Variants in KIF1A observed in about 807,000 individuals in gnomAD.
KIF1A encodes kinesin-like protein KIF1A.
KIF1A carries 46 observed loss-of-function variants against 227.3 expected under a neutral mutation model. The ratio of observed to expected loss-of-function variants is 0.20; its 90% CI spans 0.16 to 0.26. The LOEUF (loss-of-function observed/expected upper bound fraction) is 0.26. KIF1A is among the 10% of genes least tolerant of loss of function. The pLI is 1.00. For missense variants in KIF1A, 1,683 were observed against 2,485.9 expected (o/e 0.68, Z 6.87); for synonymous variants, 1,022 against 1,012.8 (o/e 1.01, Z -0.17).
intron 11 of KIF1A, 137 bp from the exon 12 acceptor site, chr2:240,774,398 C>CA (rs1477816262): frequency 9.5e-6 from 4 of 421,056 alleles, no homozygotes; most frequent in Non-Finnish European, 1.7e-5. Flanking sequence ...CTTACCCCCC[C>CA]CCCCACCCCC....
In KIF1A at chr2:240,788,895, C is replaced by T. The variant is rs1430548882; in HGVS notation, c.183+341G>A. 1.3e-5 allele frequency among the ~76,000 whole-genome samples: 2 copies of T among 152,068 alleles called. No homozygotes were observed. The highest frequency in any genetic ancestry group is 2.9e-5 in the Non-Finnish European group (2 of 68,002). On this transcript the variant is annotated intron_variant, in intron 3 of 48. Transcript: ENST00000498729. The surrounding 1 kb of genome is among the most constrained non-coding windows in gnomAD (Gnocchi z 6.6). ...GGGAAGGAGAAGAGTCCAGGGGTCT[C>T]CTGGGCTCCCAGCATGCAGGGCACA...
intron 14 of KIF1A, 80 bp from the exon 15 acceptor site, chr2:240,771,184 G>T (rs1575600904): frequency 6.4e-7 from 1 of 1,572,148 alleles, no homozygotes; most frequent in East Asian, 2.2e-5. Context: ...ACACGTCTAT[G>T]GGGAGGAGGG....
At chr2:240,754,033 C>A (rs1035857900) in intron 27 of KIF1A, among the ~76,000 whole-genome samples, 1 of 152,146 alleles carries the variant, frequency 6.6e-6, no homozygotes, top group South Asian at 2.1e-4. Flanking sequence ...TTAAGCAGAT[C>A]GATTGTTTCA....
At chr2:240,776,012 G>A in intron 10 of KIF1A, 86 bp from the exon 11 acceptor site, 1 of 913,036 alleles carries the variant, frequency 1.1e-6, no homozygotes, top group Non-Finnish European at 1.8e-6. Flanking sequence ...CTGCCAAGTG[G>A]GTCCTCAAAG....
Position 240,778,926 on chromosome 2 carries a change from C to T in KIF1A, c.883-3000G>A, listed in dbSNP as rs1481563097. Among the ~76,000 whole-genome samples, 1 of 152,106 alleles carries T rather than the reference C, an allele frequency of 6.6e-6. No individual in the cohort carries two copies. ...TTTCCACACACTTCCTCAGGCCATT[C>T]GCCCGTGTGCACCCCGTTCCTACAC... On this transcript the variant is annotated intron_variant, in intron 10 of 48. Transcript: ENST00000498729. The surrounding 1 kb of genome is among the most constrained non-coding windows in gnomAD (Gnocchi z 7.2).
rs960116587 is a variant in KIF1A, at chr2:240,783,913, C to G, written c.721-97G>C. 6.3e-6 allele frequency: 6 copies of G among 947,578 alleles called. No individual in the cohort carries two copies. The African/African-American group carries it at 8.1e-5, about 13-fold the overall frequency. The allele number at this position is 947,578 out of a possible 1,614,324, so 58.7% of individuals were successfully genotyped here. A position where few individuals can be genotyped will look rare whatever the true frequency, so the allele number is the denominator to read the frequency against. Reference sequence around the variant, plus strand: ...AGGTCTCCACAGCTGTTGAAGGAGCCCTGGCCAAGCGTCCCCTCTGCAAGG... The same window carrying G: ...AGGTCTCCACAGCTGTTGAAGGAGCGCTGGCCAAGCGTCCCCTCTGCAAGG... On this transcript the variant is annotated intron_variant, in intron 7 of 48. Coordinates refer to ENST00000498729, the MANE Select transcript of KIF1A (RefSeq NM_001244008.2).
chr2:240,817,904 G>C (rs1248780836), intron 1 of KIF1A, among the ~76,000 whole-genome samples: 1 of 152,240 alleles, frequency 6.6e-6, no homozygotes, highest in African/African-American at 2.4e-5. Flanking sequence ...AGGCTGGGCG[G>C]CCGGGCAGTG....
At chr2:240,760,946 C>T (rs1450466063) in intron 24 of KIF1A, 103 bp from the exon 25 acceptor site, 1 of 1,175,470 alleles carries the variant, frequency 8.5e-7, no homozygotes, top group East Asian at 2.6e-5. Context: ...AGCTGCCTGC[C>T]CCACAATGGT....
chr2:240,786,198 G>A (rs553722366), intron 6 of KIF1A, 137 bp downstream of exon 6: 24 of 812,338 alleles, frequency 3.0e-5, no homozygotes, highest in Middle Eastern at 3.5e-4. Flanking sequence ...AAACGACCTC[G>A]GGCTCAGGAG....
chr2:240,818,746 G>A (rs540865289), intron 1 of KIF1A: 4 of 152,498 alleles, frequency 2.6e-5, no homozygotes, highest in African/African-American at 9.6e-5. Context: ...GTGCGACCTG[G>A]TGTCCCGCAG....
At chr2:240,815,450 C>T (rs542797239) in intron 1 of KIF1A, among the ~76,000 whole-genome samples, 4 of 152,226 alleles carry the variant, frequency 2.6e-5, no homozygotes, top group South Asian at 2.1e-4. Flanking sequence ...AGGAGCCCCA[C>T]GGGAGGCCCA....
chr2:240,812,488 G>A (rs114480416), intron 1 of KIF1A, among the ~76,000 whole-genome samples: 3,189 of 151,540 alleles, frequency 0.021, 111 homozygotes, highest in African/African-American at 0.074. Flanking sequence ...CCTTTACCTC[G>A]GGATCTGCCT....
intron 14 of KIF1A, among the ~76,000 whole-genome samples, chr2:240,771,659 T>C (rs7573025): frequency 0.21 from 31,384 of 151,660 alleles, 5,185 homozygotes; most frequent in African/African-American, 0.46. Context: ...ACCCCTCACA[T>C]CCACCGTCAG....
intron 16 of KIF1A, 66 bp downstream of exon 16, chr2:240,769,561 C>A: frequency 7.2e-7 from 1 of 1,386,682 alleles, no homozygotes; most frequent in South Asian, 1.2e-5. Context: ...CAGTGCTCAT[C>A]CTGCCCAGGC....
Position 240,775,837 on chromosome 2 carries a change from C to G in KIF1A, c.958+14G>C. 1 of 1,582,774 alleles carries G rather than the reference C, an allele frequency of 6.3e-7. No individual in the cohort carries two copies. The highest frequency in any genetic ancestry group is 8.7e-7 in the Non-Finnish European group (1 of 1,151,304). ...ATCAGAGCCCTGGGGACAGGCAAACCCACAAGTTCTCACCCAGGTTTTCCC... is the reference window on the plus strand; with the variant it reads ...ATCAGAGCCCTGGGGACAGGCAAACGCACAAGTTCTCACCCAGGTTTTCCC... On this transcript the variant is annotated intron_variant, in intron 11 of 48. Transcript: ENST00000498729. This position sits in a 1 kb window ranked among gnomAD's most constrained non-coding sequence, Gnocchi z 5.5.
At chr2:240,745,962 G>A in intron 30 of KIF1A, 53 bp from the exon 31 acceptor site, 1 of 1,592,910 alleles carries the variant, frequency 6.3e-7, no homozygotes, top group East Asian at 2.3e-5. Flanking sequence ...TTGTCTTCCA[G>A]CCACAGGCCT....
At chr2:240,760,629 C>G (rs2050391758) in intron 25 of KIF1A, 36 bp downstream of exon 25, 1 of 1,425,706 alleles carries the variant, frequency 7.0e-7, no homozygotes. Flanking sequence ...CCAGGAGGAC[C>G]CTCCCACCAT....
At chr2:240,782,115 G>A (rs1039360731) in intron 10 of KIF1A, 8 of 985,194 alleles carry the variant, frequency 8.1e-6, no homozygotes, top group Middle Eastern at 5.2e-4. Context: ...CCCCAGCGTC[G>A]CCCCAGGCAG....
rs1434312779 is a variant in KIF1A at position 240,761,225 on chromosome 2, C to G, written c.2265+4G>C. ...GGAAACGGTACAGCCAGTGGGCAGC[C>G]CACCTTCTTTTTCAGCTCCACGCTG... On this transcript the variant is annotated splice_donor_region_variant and intron_variant, in intron 24 of 48. Coordinates refer to ENST00000498729, the MANE Select transcript of KIF1A (RefSeq NM_001244008.2). 6.2e-7 allele frequency: 1 copy of G among 1,610,676 alleles called. No individual in the cohort carries two copies. The highest frequency in any genetic ancestry group is 8.5e-7 in the Non-Finnish European group (1 of 1,178,146).
Sources: gnomAD v4.1 joint callset for allele counts (sites outside exome capture counted in the v4.1 genomes callset) on GRCh38, gnomAD v4.1.1 for gene constraint, Gnocchi (gnomAD v3.1) non-coding constraint, MANE v1.5 for transcripts, NCBI Gene and HGNC (gene_info 2026-07-23, HGNC 2026-07-21) for gene names.